The following NSL1 variants were observed in gnomAD, a reference collection of about 807,000 sequenced individuals.
NSL1 encodes the protein NSL1 component of MIS12 kinetochore complex.
A neutral mutation model predicts 25.4 loss-of-function variants in NSL1; 11 were observed. That is an observed-to-expected ratio of 0.43 (90% CI 0.27 to 0.72). The LOEUF (loss-of-function observed/expected upper bound fraction) is 0.72, where lower values mean the gene tolerates loss of function less well. Ranked by LOEUF, NSL1 falls within the 30% of genes least tolerant of loss-of-function variation. The pLI, the probability that NSL1 is intolerant of heterozygous loss-of-function variation, is 0.19. For missense variants in NSL1, 330 were observed against 342.7 expected (o/e 0.96, Z 0.29); for synonymous variants, 118 against 120.6 (o/e 0.98, Z 0.14).
intron 4 of NSL1, among the ~76,000 whole-genome samples, chr1:212,779,073 G>A (rs1363331021): frequency 2.0e-5 from 3 of 150,842 alleles, no homozygotes; most frequent in East Asian, 4.0e-4. Context: ...AGGAAGTGAG[G>A]AGCGTCTCTG....
chr1:212,776,606 C>T (rs1314355744), intron 4 of NSL1, among the ~76,000 whole-genome samples: 1 of 150,648 alleles, frequency 6.6e-6, no homozygotes, highest in African/African-American at 2.4e-5. Flanking sequence ...ACAAATGGAA[C>T]AGAAACACAG....
Position 212,729,325 on chromosome 1 carries a change from C to A in NSL1, c.*9083G>T, listed in dbSNP as rs947495035. 1 of 983,756 alleles carries A rather than the reference C, an allele frequency of 1.0e-6. No homozygotes were observed. The allele number at this position is 983,756 out of a possible 1,614,324, so 60.9% of individuals were successfully genotyped here. ...TGCTACTGATGGCTCCCCTAACTGA[C>A]GGCAAATTGCTTGTGGGCAGGGTCT... is the stretch of plus-strand genomic sequence containing the variant. On this transcript the variant is annotated 3_prime_UTR_variant, in exon 6 of 6. Transcript: ENST00000366977.
At chr1:212,763,058 T>C (rs944774354) in intron 4 of NSL1, among the ~76,000 whole-genome samples, 4 of 152,210 alleles carry the variant, frequency 2.6e-5, no homozygotes, top group African/African-American at 4.8e-5. Context: ...GTTATGGCCT[T>C]GGGCAGGTCT....
At chr1:212,768,678 G>A (rs529076123) in intron 4 of NSL1, among the ~76,000 whole-genome samples, 14 of 152,302 alleles carry the variant, frequency 9.2e-5, no homozygotes, top group African/African-American at 3.1e-4. Context: ...CTATGAGGAT[G>A]CAAAGGCATA....
At chr1:212,788,523 C>T (rs1661044795) in intron 1 of NSL1, among the ~76,000 whole-genome samples, 1 of 151,570 alleles carries the variant, frequency 6.6e-6, no homozygotes, top group African/African-American at 2.4e-5. Flanking sequence ...GATAAAGAAC[C>T]AAAAAACAAA....
chr1:212,753,294 G>A (rs568324162), intron 4 of NSL1, among the ~76,000 whole-genome samples: 1 of 152,128 alleles, frequency 6.6e-6, no homozygotes, highest in Non-Finnish European at 1.5e-5. Flanking sequence ...ACATTGTCTT[G>A]CAATGCTTCT....
chr1:212,778,209 T>C (rs1363751954), intron 4 of NSL1, among the ~76,000 whole-genome samples: 1 of 152,196 alleles, frequency 6.6e-6, no homozygotes, highest in Admixed American at 6.5e-5. Flanking sequence ...TTAGGGGGCA[T>C]GAAAGAATCC....
rs543138770 is a variant in NSL1, at chr1:212,730,582, T to C, written c.*7826A>G. On this transcript the variant is annotated 3_prime_UTR_variant, in exon 6 of 6. Coordinates refer to ENST00000366977, the MANE Select transcript of NSL1 (RefSeq NM_015471.4). ...TGCAGGGAGAAGTTGAATTTTCTTC[T>C]CTAGCTATCCCAGGCCACCCAGAAG... 1.0e-6 allele frequency: 1 copy of C among 985,386 alleles called. No individual in the cohort carries two copies. The highest frequency in any genetic ancestry group is 1.1e-4 in the East Asian group (1 of 8,812). 61.0% of individuals were successfully genotyped at this position (985,386 alleles called of 1,614,324 possible).
At chr1:212,789,381 T>C (rs921816916) in intron 1 of NSL1, among the ~76,000 whole-genome samples, 5 of 152,194 alleles carry the variant, frequency 3.3e-5, no homozygotes, top group African/African-American at 1.2e-4. Context: ...CCGGCTAATT[T>C]TTGTATTTTT....
intron 4 of NSL1, among the ~76,000 whole-genome samples, chr1:212,751,618 TTAAAC>T (rs1423548902): frequency 6.6e-6 from 1 of 152,204 alleles, no homozygotes; most frequent in Non-Finnish European, 1.5e-5. Context: ...AATTAAATGT[TTAAAC>T]TATTAACTTT....
chr1:212,782,463 T>A, intron 3 of NSL1, 37 bp from the exon 4 acceptor site: 1 of 1,343,548 alleles, frequency 7.4e-7, no homozygotes, highest in Non-Finnish European at 1.1e-6. Context: ...TTTAATCACT[T>A]AATGCTTCAT....
chr1:212,732,141 T>C lies in NSL1; in HGVS notation c.*6267A>G, dbSNP rs1045364885. ...AACCATGATTACATTTCTTTTTTTGTACAGCTTTCTGCCTCTACTGTAGTG... is the reference window on the plus strand; with the variant it reads ...AACCATGATTACATTTCTTTTTTTGCACAGCTTTCTGCCTCTACTGTAGTG... On this transcript the variant is annotated 3_prime_UTR_variant, in exon 6 of 6. Coordinates refer to ENST00000366977, the MANE Select transcript of NSL1 (RefSeq NM_015471.4). The C allele has an allele frequency of 1.7e-5, 17 of 984,784 alleles. No individual in the cohort carries two copies. The highest frequency in any genetic ancestry group is 2.0e-5 in the Non-Finnish European group (17 of 829,532). 61.0% of individuals were successfully genotyped at this position (984,784 alleles called of 1,614,324 possible).
At chr1:212,738,939 T>C (rs1459325442) in intron 5 of NSL1, among the ~76,000 whole-genome samples, 1 of 152,096 alleles carries the variant, frequency 6.6e-6, no homozygotes, top group Non-Finnish European at 1.5e-5. Flanking sequence ...ATTTTTGTAT[T>C]TTTAGTAGAC....
In NSL1 at chr1:212,768,192, C is replaced by T. The variant is rs565310852; in HGVS notation, c.499+14180G>A. The stretch of plus-strand genomic sequence containing the variant: ...AAAATTAGCCAGGCATGGTGGCACA[C>T]GCCTGTAGTCCCAGCTACTCAGGAG... On this transcript the variant is annotated intron_variant, in intron 4 of 5. Coordinates refer to ENST00000366977, the MANE Select transcript of NSL1 (RefSeq NM_015471.4). Among the ~76,000 whole-genome samples, 92 of 152,030 alleles carry T rather than the reference C, an allele frequency of 6.1e-4. 2 individuals are homozygous for T. The highest frequency in any genetic ancestry group is 2.0e-3 in the African/African-American group (81 of 41,482).
At position 212,729,817 on chromosome 1, in the gene NSL1, A is replaced by G; in HGVS notation, c.*8591T>C. 1.0e-6 allele frequency: 1 copy of G among 985,390 alleles called. No homozygotes were observed. Among genetic ancestry groups the G allele is most frequent in the Non-Finnish European group, 1.2e-6 (1 of 829,928 alleles). The allele number at this position is 985,390 out of a possible 1,614,324, so 61.0% of individuals were successfully genotyped here. A position where few individuals can be genotyped will look rare whatever the true frequency, so the allele number is the denominator to read the frequency against. ...AGCTAGAACATGGAAAAAGCAATGT[A>G]ATCAGCTGGTGCTGCAAAGGGCAGT... On this transcript the variant is annotated 3_prime_UTR_variant, in exon 6 of 6. Transcript: ENST00000366977.
intron 4 of NSL1, among the ~76,000 whole-genome samples, chr1:212,742,597 T>C (rs1258374841): frequency 2.6e-5 from 4 of 152,174 alleles, no homozygotes; most frequent in African/African-American, 4.8e-5. Context: ...ATTTAGACTA[T>C]AGTCAATATA....
At chr1:212,779,737 G>T (rs1231370526) in intron 4 of NSL1, among the ~76,000 whole-genome samples, 1 of 95,048 alleles carries the variant, frequency 1.1e-5, no homozygotes, top group Non-Finnish European at 2.3e-5. Context: ...GGAGGTGGGG[G>T]GGTCAGCCCC....
At chr1:212,782,181 G>C in intron 4 of NSL1, 191 bp downstream of exon 4, 1 of 703,094 alleles carries the variant, frequency 1.4e-6, no homozygotes, top group Non-Finnish European at 2.6e-6. Context: ...AACACCCCTG[G>C]AATTCTGAGT....
intron 4 of NSL1, among the ~76,000 whole-genome samples, chr1:212,771,628 A>G (rs1194860401): frequency 6.6e-6 from 1 of 151,752 alleles, no homozygotes; most frequent in Non-Finnish European, 1.5e-5. Context: ...AAAAAAAAAA[A>G]AAAACCTTAG....
Sources: gnomAD v4.1 joint callset for allele counts (sites outside exome capture counted in the v4.1 genomes callset) on GRCh38, gnomAD v4.1.1 for gene constraint, MANE v1.5 for transcripts, NCBI Gene and HGNC (gene_info 2026-07-23, HGNC 2026-07-21) for gene names.